ZNF324B: variants seen among roughly 807,000 people sequenced by gnomAD.
ZNF324B encodes zinc finger protein 324B.
In ZNF324B, 7 loss-of-function variants were observed where a neutral mutation model predicts 10.6. That is an observed-to-expected ratio of 0.66 (90% CI 0.38 to 1.24). ZNF324B has a LOEUF of 1.24. Among genes scored for constraint, ZNF324B ranks in the 50% most tolerant of loss-of-function variants. The probability of loss-of-function intolerance (pLI) is 0.02; values close to 1 mark genes in which losing one functional copy is unlikely to be tolerated. For synonymous variants in ZNF324B, 316 were observed against 321.0 expected (o/e 0.98, Z 0.17); for missense variants, 640 against 764.7 (o/e 0.84, Z 1.92).
At chr19:58,433,268 G>T in the ZNF324B span, 1 of 1,541,634 alleles carries the variant, frequency 6.5e-7, no homozygotes, top group African/African-American at 1.4e-5. Flanking sequence ...TCTGCTGCAT[G>T]AAGTTTGACT....
At chr19:58,433,796 TC>T in the ZNF324B span, 1 of 1,614,226 alleles carries the variant, frequency 6.2e-7, no homozygotes, top group Non-Finnish European at 8.5e-7. Flanking sequence ...GCAAAGGCTT[TC>T]CCACACTCAC....
chr19:58,451,998 G>T (rs374579567), intron 1 of ZNF324B: 1 of 241,162 alleles, frequency 4.1e-6, no homozygotes, highest in South Asian at 3.9e-5. Flanking sequence ...GCGCCGGGGG[G>T]GCGGGGGAGT....
chr19:58,425,143 C>G, the ZNF324B span, among the ~76,000 whole-genome samples: 1 of 152,038 alleles, frequency 6.6e-6, no homozygotes, highest in Non-Finnish European at 1.5e-5. Context: ...GTAGTCCCAG[C>G]TACTCAGGAG....
At chr19:58,434,639 C>T in the ZNF324B span, 1 of 1,614,150 alleles carries the variant, frequency 6.2e-7, no homozygotes, top group Non-Finnish European at 8.5e-7. Flanking sequence ...AAATTTCCAC[C>T]TGTTGGGCAT....
chr19:58,427,605 T>C, the ZNF324B span, among the ~76,000 whole-genome samples: 3 of 151,148 alleles, frequency 2.0e-5, no homozygotes, highest in African/African-American at 7.3e-5. Flanking sequence ...TCCGCCCGCA[T>C]TGGCCTCCCA....
At chr19:58,440,119 G>A in the ZNF324B span, 1 of 439,274 alleles carries the variant, frequency 2.3e-6, no homozygotes, top group South Asian at 2.9e-5. Context: ...GCCTGCTGTA[G>A]CCCAACCCAC....
At chr19:58,437,264 C>T in the ZNF324B span, 1 of 1,531,654 alleles carries the variant, frequency 6.5e-7, no homozygotes, top group Non-Finnish European at 8.8e-7. Context: ...CAGGACCTTG[C>T]TGTGTGACTC....
At chr19:58,438,766 C>G in the ZNF324B span, among the ~76,000 whole-genome samples, 1 of 149,998 alleles carries the variant, frequency 6.7e-6, no homozygotes, top group African/African-American at 2.5e-5. Flanking sequence ...AGCCACCACG[C>G]CCGGCAATTT....
At chr19:58,431,994 C>CAA in the ZNF324B span, among the ~76,000 whole-genome samples, 7 of 147,244 alleles carry the variant, frequency 4.8e-5, no homozygotes, top group African/African-American at 1.7e-4. Context: ...GACTCCATAT[C>CAA]AAAAAAAAAA....
Position 58,457,595 on chromosome 19 carries a change from A to G in ZNF324B, c.*1016A>G, listed in dbSNP as rs1179269877. 6.9e-6 allele frequency: 1 copy of G among 145,400 alleles called. No individual in the cohort carries two copies. The highest frequency in any genetic ancestry group is 2.6e-5 in the African/African-American group (1 of 39,042). The allele number at this position is 145,400 out of a possible 1,614,324, so 9.0% of individuals were successfully genotyped here. ...AGGCTGGACAGAGAGCTGAATAGGA[A>G]GGACTTGCCATTACCTAAGGCCATG... is the stretch of plus-strand genomic sequence containing the variant. On this transcript the variant is annotated 3_prime_UTR_variant, in exon 4 of 4. Transcript: ENST00000336614.
chr19:58,420,996 AC>A, the ZNF324B span, among the ~76,000 whole-genome samples: 1 of 149,828 alleles, frequency 6.7e-6, no homozygotes, highest in East Asian at 2.0e-4. Flanking sequence ...GAGCCACCGC[AC>A]CCAGCCTATA....
chr19:58,424,257 C>T, the ZNF324B span, among the ~76,000 whole-genome samples: 2 of 151,546 alleles, frequency 1.3e-5, no homozygotes, highest in African/African-American at 4.9e-5. Flanking sequence ...CTCAAAAGAA[C>T]AAAATAAAAC....
chr19:58,454,761 G>A (rs531572265), intron 3 of ZNF324B, among the ~76,000 whole-genome samples: 10 of 152,352 alleles, frequency 6.6e-5, no homozygotes, highest in African/African-American at 1.9e-4. Flanking sequence ...CAGTGAGTAC[G>A]TAGGATTCAG....
At chr19:58,441,607 T>C in the ZNF324B span, 1 of 152,074 alleles carries the variant, frequency 6.6e-6, no homozygotes, top group African/African-American at 2.4e-5. Context: ...AGGTATAGAG[T>C]CTGAATTGTC....
the ZNF324B span, among the ~76,000 whole-genome samples, chr19:58,423,611 A>G: frequency 3.1e-3 from 471 of 152,364 alleles, 1 homozygote; most frequent in African/African-American, 0.011. Context: ...CAAGTAGCCA[A>G]AGCAATCCTG....
the ZNF324B span, chr19:58,440,944 G>A: frequency 6.6e-6 from 1 of 152,394 alleles, no homozygotes; most frequent in Admixed American, 6.5e-5. Context: ...GTCTCCGATT[G>A]AGAAGTATCT....
At chr19:58,423,322 G>A in the ZNF324B span, among the ~76,000 whole-genome samples, 1 of 151,164 alleles carries the variant, frequency 6.6e-6, no homozygotes, top group Non-Finnish European at 1.5e-5. Flanking sequence ...CACCACGCCT[G>A]GCTAATTTTT....
the ZNF324B span, among the ~76,000 whole-genome samples, chr19:58,419,774 A>AAG: frequency 6.6e-6 from 1 of 152,168 alleles, no homozygotes; most frequent in East Asian, 1.9e-4. Flanking sequence ...TCTGGGGCTC[A>AAG]AGAGAGACAC....
chr19:58,442,699 C>CTTTG, the ZNF324B span: 1 of 152,240 alleles, frequency 6.6e-6, no homozygotes. Context: ...AGCTGCAGAC[C>CTTTG]TTTGCAATGA....
Sources: gnomAD v4.1 joint callset for allele counts (sites outside exome capture counted in the v4.1 genomes callset) on GRCh38, gnomAD v4.1.1 for gene constraint, MANE v1.5 for transcripts, NCBI Gene and HGNC (gene_info 2026-07-23, HGNC 2026-07-21) for gene names.